The following LIMK1 variants were observed in gnomAD, a reference collection of about 807,000 sequenced individuals.
The protein encoded by LIMK1 is LIM motif-containing protein kinase.
A neutral mutation model predicts 77.6 loss-of-function variants in LIMK1; 21 were observed. The observed-to-expected ratio is 0.27, with a 90% CI of 0.19 to 0.39. The LOEUF (loss-of-function observed/expected upper bound fraction) is 0.39, where lower values mean the gene tolerates loss of function less well. Ranked by LOEUF, LIMK1 falls within the 10% of genes least tolerant of loss-of-function variation. LIMK1 has a pLI of 1.00. For synonymous variants in LIMK1, 358 were observed against 370.0 expected, an observed-to-expected ratio of 0.97 and a Z score of 0.37; for missense variants, 696 against 901.6, an observed-to-expected ratio of 0.77 and a Z score of 2.92.
chr7:74,117,069 A>G (rs983839831), intron 13 of LIMK1, among the ~76,000 whole-genome samples: 2 of 151,728 alleles, frequency 1.3e-5, no homozygotes, highest in Admixed American at 6.6e-5. Context: ...TTTTAGTAGA[A>G]ACGGGGTTTC....
In LIMK1 at chr7:74,099,062, C is replaced by T; in HGVS notation, c.432C>T (p.Thr144=). ...CGHCYYQTVV[T]PVIEQILPDS... is the part of the protein sequence containing the mutation. The stretch of plus-strand genomic sequence containing the variant: ...ACTGCTACTACCAGACTGTGGTGAC[C>T]CCCGTCATCGAGCAGATCCTGCCTG... The change falls in exon 5 of 16, where the codon ACC becomes ACT. Residue 144 remains threonine (T), a synonymous_variant. Transcript: ENST00000336180. 6.2e-7 allele frequency: 1 copy of T among 1,612,798 alleles called. No individual in the cohort carries two copies. The highest frequency in any genetic ancestry group is 8.5e-7 in the Non-Finnish European group (1 of 1,179,988).
intron 9 of LIMK1, 131 bp downstream of exon 9, chr7:74,108,088 A>C: frequency 2.9e-6 from 2 of 687,306 alleles, no homozygotes; most frequent in Non-Finnish European, 5.2e-6. Flanking sequence ...ATAGTGGCTC[A>C]CGCCTGTAAT....
chr7:74,103,446 G>T (rs1554696888), intron 5 of LIMK1, among the ~76,000 whole-genome samples: 1 of 152,036 alleles, frequency 6.6e-6, no homozygotes, highest in Non-Finnish European at 1.5e-5. Context: ...TGCAGGTTTG[G>T]CCTGATACTG....
chr7:74,090,247 C>T (rs782263216), intron 2 of LIMK1, among the ~76,000 whole-genome samples: 1 of 151,932 alleles, frequency 6.6e-6, no homozygotes, highest in Non-Finnish European at 1.5e-5. Flanking sequence ...TGTTGGTGGG[C>T]GCCTGTAATC....
At chr7:74,084,110 G>A in intron 1 of LIMK1, 65 bp downstream of exon 1, 2 of 933,622 alleles carry the variant, frequency 2.1e-6, no homozygotes, top group South Asian at 1.8e-5. Flanking sequence ...GTGGGGCACG[G>A]GAGGGGGCCG....
At chr7:74,087,254 A>C (rs1299094086) in intron 2 of LIMK1, among the ~76,000 whole-genome samples, 1 of 151,922 alleles carries the variant, frequency 6.6e-6, no homozygotes, top group Non-Finnish European at 1.5e-5. Context: ...AATACAAAAA[A>C]TTAGCCGGGC....
At chr7:74,105,006 A>C (rs1799539361) in intron 5 of LIMK1, among the ~76,000 whole-genome samples, 1 of 152,170 alleles carries the variant, frequency 6.6e-6, no homozygotes. Context: ...CCCAGGCTGG[A>C]GTGCAGTGGC....
chr7:74,108,602 C>T (rs1465786498), intron 9 of LIMK1, among the ~76,000 whole-genome samples: 1 of 150,380 alleles, frequency 6.6e-6, no homozygotes, highest in Non-Finnish European at 1.5e-5. Context: ...GAGCCAAGAT[C>T]GTGCCGCTGC....
chr7:74,112,403 G>C (rs1352050488), intron 12 of LIMK1, among the ~76,000 whole-genome samples: 4 of 152,306 alleles, frequency 2.6e-5, no homozygotes, highest in African/African-American at 7.2e-5. Context: ...GTATGGGCTG[G>C]AGTGGTCAGG....
chr7:74,111,730 C>T, intron 11 of LIMK1, 23 bp downstream of exon 11: 1 of 1,607,512 alleles, frequency 6.2e-7, no homozygotes, highest in Non-Finnish European at 8.5e-7. Flanking sequence ...GGTGCTCTAG[C>T]TCCATTCATA....
At chr7:74,111,903 GC>G in intron 11 of LIMK1, 29 bp from the exon 12 acceptor site, 3 of 1,595,820 alleles carry the variant, frequency 1.9e-6, no homozygotes, top group Non-Finnish European at 8.6e-7. Context: ...CTGCACAGCT[GC>G]CCCCTGACTC....
intron 12 of LIMK1, among the ~76,000 whole-genome samples, chr7:74,113,619 C>T (rs1173752958): frequency 2.0e-5 from 3 of 149,084 alleles, no homozygotes; most frequent in South Asian, 4.2e-4. Context: ...AGTCAGACAC[C>T]GTCTCAAAAA....
chr7:74,100,910 T>G (rs915560965), intron 5 of LIMK1, among the ~76,000 whole-genome samples: 1 of 151,536 alleles, frequency 6.6e-6, no homozygotes, highest in Non-Finnish European at 1.5e-5. Context: ...TAATTTTTTT[T>G]TTATATTTAG....
intron 2 of LIMK1, 92 bp downstream of exon 2, chr7:74,085,936 C>A: frequency 1.1e-6 from 1 of 889,884 alleles, no homozygotes; most frequent in African/African-American, 1.6e-5. Context: ...CGGGATATGC[C>A]TCCTGGTGCC....
chr7:74,086,811 T>C lies in LIMK1; in HGVS notation c.152+967T>C, dbSNP rs117660388. 6.1e-3 allele frequency among the ~76,000 whole-genome samples: 923 copies of C among 152,278 alleles called. 24 individuals carry two copies. The highest frequency in any genetic ancestry group is 0.045 in the Admixed American group (688 of 15,274). On this transcript the variant is annotated intron_variant, in intron 2 of 15. Transcript: ENST00000336180. ...GTCCCTCCTGCCTTCTGGGTGTTCA[T>C]GCTCTTGCAGGGAGGGAAGACAAAC...
At chr7:74,103,298 C>G (rs1251011187) in intron 5 of LIMK1, among the ~76,000 whole-genome samples, 1 of 150,754 alleles carries the variant, frequency 6.6e-6, no homozygotes, top group Non-Finnish European at 1.5e-5. Context: ...ACTGTGTTGC[C>G]CAGGCTGGTC....
chr7:74,121,035 G>C lies in LIMK1; in HGVS notation c.1767G>C (p.Leu589=). 2 of 1,598,502 alleles carry C rather than the reference G, an allele frequency of 1.3e-6. No individual in the cohort carries two copies. The highest frequency in any genetic ancestry group is 2.2e-5 in the East Asian group (1 of 44,672). The change falls in exon 15 of 16, where the codon CTG becomes CTC. Residue 589 remains leucine, a synonymous_variant. Coordinates refer to ENST00000336180, the MANE Select transcript of LIMK1 (RefSeq NM_002314.4). ...FFPITVRCCD[L]DPEKRPSFVK... is the part of the protein sequence containing the mutation. Reference sequence around the variant, plus strand: ...CCATCACCGTGCGCTGTTGCGATCTGGACCCCGAGAAGAGGTGAGTGGGGT... The same window carrying C: ...CCATCACCGTGCGCTGTTGCGATCTCGACCCCGAGAAGAGGTGAGTGGGGT...
At chr7:74,102,307 T>C (rs1192157637) in intron 5 of LIMK1, among the ~76,000 whole-genome samples, 7 of 151,994 alleles carry the variant, frequency 4.6e-5, no homozygotes, top group African/African-American at 1.7e-4. Flanking sequence ...TTGGGAGTTA[T>C]ATGTGTGTCT....
intron 9 of LIMK1, among the ~76,000 whole-genome samples, chr7:74,108,634 T>G (rs1584123973): frequency 5.0e-5 from 7 of 138,756 alleles, no homozygotes; most frequent in Non-Finnish European, 4.6e-5. Flanking sequence ...GGCGACAGAG[T>G]GAGACTCCTT....
Sources: allele counts gnomAD v4.1 joint callset (sites outside exome capture counted in the v4.1 genomes callset), GRCh38; gene constraint gnomAD v4.1.1; transcripts MANE v1.5; gene names NCBI Gene and HGNC (gene_info 2026-07-23, HGNC 2026-07-21).